ZDHHC2: variants seen among roughly 807,000 people sequenced by gnomAD.
ZDHHC2 encodes zDHHC palmitoyltransferase 2.
In ZDHHC2, 51 loss-of-function variants were observed where a neutral mutation model predicts 55.6. The observed-to-expected ratio is 0.92, with a 90% confidence interval of 0.73 to 1.16. ZDHHC2 has a LOEUF of 1.16. Among genes scored for constraint, ZDHHC2 ranks in the 50% most tolerant of loss-of-function variants. ZDHHC2 has a pLI of 0.00. For synonymous variants in ZDHHC2, 199 were observed against 152.9 expected, an observed-to-expected ratio of 1.30 and a Z score of -2.22; for missense variants, 491 against 442.4, an observed-to-expected ratio of 1.11 and a Z score of -0.99.
chr8:17,184,386 A>C (rs1805598283), intron 1 of ZDHHC2, among the ~76,000 whole-genome samples: 1 of 152,234 alleles, frequency 6.6e-6, no homozygotes, highest in Non-Finnish European at 1.5e-5. Context: ...TGGAAAGCTC[A>C]CCAGGTGGTT....
intron 1 of ZDHHC2, among the ~76,000 whole-genome samples, chr8:17,178,040 T>C (rs1328283175): frequency 6.6e-6 from 1 of 152,200 alleles, no homozygotes; most frequent in African/African-American, 2.4e-5. Context: ...TGTTCTTTGC[T>C]AAGTCAAAAG....
rs144012446 is a variant in ZDHHC2, at chr8:17,180,923, T to G, written c.131-3866T>G. On this transcript the variant is annotated intron_variant, in intron 1 of 12. Coordinates refer to ENST00000262096, the MANE Select transcript of ZDHHC2 (RefSeq NM_016353.5). ...GTGAACTTATAGACCCTGTCTGTCT[T>G]CAAAGTTGCTTGAAGCCCAGTTGAA... 6.2e-3 allele frequency among the ~76,000 whole-genome samples: 943 copies of G among 152,348 alleles called. 11 individuals are homozygous for G. Among genetic ancestry groups the G allele is most frequent in the African/African-American group, 0.021 (884 of 41,568 alleles).
At chr8:17,201,353 G>A (rs1806750706) in intron 6 of ZDHHC2, among the ~76,000 whole-genome samples, 1 of 151,722 alleles carries the variant, frequency 6.6e-6, no homozygotes. Flanking sequence ...TCCTGGAAAT[G>A]TTTCCGTATG....
chr8:17,181,534 A>G (rs1481342658), intron 1 of ZDHHC2, among the ~76,000 whole-genome samples: 1 of 152,212 alleles, frequency 6.6e-6, no homozygotes, highest in African/African-American at 2.4e-5. Context: ...GTTTAAAGGA[A>G]ATGAGATAAA....
chr8:17,189,570 G>T (rs1563154511), intron 3 of ZDHHC2, among the ~76,000 whole-genome samples: 1 of 152,158 alleles, frequency 6.6e-6, no homozygotes, highest in Non-Finnish European at 1.5e-5. Context: ...TATTTTTATG[G>T]CCTTGGCAGG....
At chr8:17,188,018 C>A (rs750289219) in intron 3 of ZDHHC2, among the ~76,000 whole-genome samples, 3 of 152,174 alleles carry the variant, frequency 2.0e-5, no homozygotes, top group Non-Finnish European at 4.4e-5. Flanking sequence ...ATATTGTATT[C>A]TTCTCCTGGT....
In ZDHHC2 at chr8:17,156,707, G is replaced by C. The variant is rs1179632534; in HGVS notation, c.-17G>C. The C allele has an allele frequency of 6.9e-7, 1 of 1,451,110 alleles. No individual in the cohort carries two copies. Among genetic ancestry groups the C allele is most frequent in the Non-Finnish European group, 9.1e-7 (1 of 1,098,148 alleles). The allele number at this position is 1,451,110 out of a possible 1,614,324, so 89.9% of individuals were successfully genotyped here. The stretch of plus-strand genomic sequence containing the variant: ...CGCGGGCGGCGGCGGAGCTGGGCAG[G>C]TGGATGCGGCTGGAAGATGGCGCCC... On this transcript the variant is annotated 5_prime_UTR_variant, in exon 1 of 13. Transcript: ENST00000262096.
chr8:17,223,608 A>C lies in ZDHHC2; in HGVS notation c.*3387A>C, dbSNP rs1265678284. On this transcript the variant is annotated 3_prime_UTR_variant, in exon 13 of 13. Coordinates refer to ENST00000262096, the MANE Select transcript of ZDHHC2 (RefSeq NM_016353.5). The stretch of plus-strand genomic sequence containing the variant: ...ATTACTCTTTTACAAAGATACCATT[A>C]GAATTTTCTCACTGTCTTGGTAAAA... The C allele has an allele frequency of 6.6e-6, 1 of 151,842 alleles. No individual in the cohort carries two copies. Among genetic ancestry groups the C allele is most frequent in the Non-Finnish European group, 1.5e-5 (1 of 67,764 alleles). 9.4% of individuals were successfully genotyped at this position (151,842 alleles called of 1,614,324 possible).
intron 6 of ZDHHC2, among the ~76,000 whole-genome samples, chr8:17,199,823 G>T (rs1806648614): frequency 6.8e-6 from 1 of 146,210 alleles, no homozygotes; most frequent in African/African-American, 2.6e-5. Context: ...GCGGTAGCGT[G>T]ATCTCAGCTC....
intron 1 of ZDHHC2, among the ~76,000 whole-genome samples, chr8:17,178,391 C>G (rs144032891): frequency 6.6e-6 from 1 of 152,014 alleles, no homozygotes; most frequent in African/African-American, 2.4e-5. Context: ...TATATAGTAT[C>G]TATATATACA....
At chr8:17,174,665 A>G (rs1805037842) in intron 1 of ZDHHC2, among the ~76,000 whole-genome samples, 2 of 150,586 alleles carry the variant, frequency 1.3e-5, no homozygotes, top group African/African-American at 2.4e-5. Context: ...ATATGCTTTA[A>G]CTTAGTATTG....
rs1585735068 is a variant in ZDHHC2 at position 17,209,968 on chromosome 8, A to G, written c.767A>G (p.Asp256Gly). 4 of 1,612,014 alleles carry G rather than the reference A, an allele frequency of 2.5e-6. No individual in the cohort carries two copies. The highest frequency in any genetic ancestry group is 3.4e-6 in the Non-Finnish European group (4 of 1,178,970). ...FRSPVFRHGT[D>G]KNGFSLGFSK... Reference sequence around the variant, plus strand: ...AGTCCAGTATTTCGACATGGAACAGATAAGAATGGATTCAGCTTGGGTTTC... The same window carrying G: ...AGTCCAGTATTTCGACATGGAACAGGTAAGAATGGATTCAGCTTGGGTTTC... Residue 256 changes from aspartate to glycine, a missense_variant, in exon 9 of 13, where the codon GAT becomes GGT. Coordinates refer to ENST00000262096, the MANE Select transcript of ZDHHC2 (RefSeq NM_016353.5).
At chr8:17,187,176 T>A (rs763838557) in intron 3 of ZDHHC2, among the ~76,000 whole-genome samples, 1 of 152,208 alleles carries the variant, frequency 6.6e-6, no homozygotes, top group Non-Finnish European at 1.5e-5. Flanking sequence ...ATATGGTTAC[T>A]GAGAGACAAC....
chr8:17,159,615 AT>A (rs1378837196), intron 1 of ZDHHC2, among the ~76,000 whole-genome samples: 1 of 152,094 alleles, frequency 6.6e-6, no homozygotes, highest in African/African-American at 2.4e-5. Flanking sequence ...AGTTAGCATA[AT>A]TTTTGCTTAG....
At chr8:17,196,080 T>A (rs575823453) in intron 4 of ZDHHC2, among the ~76,000 whole-genome samples, 1 of 152,338 alleles carries the variant, frequency 6.6e-6, no homozygotes, top group African/African-American at 2.4e-5. Flanking sequence ...ATTGGTATAA[T>A]TTTTTATCTA....
chr8:17,210,841 C>G (rs776768808), intron 10 of ZDHHC2, among the ~76,000 whole-genome samples: 5 of 152,172 alleles, frequency 3.3e-5, no homozygotes, highest in Non-Finnish European at 7.4e-5. Context: ...CCCACCATAT[C>G]TTTCCTTTCT....
At chr8:17,171,268 A>G (rs922404806) in intron 1 of ZDHHC2, among the ~76,000 whole-genome samples, 3 of 152,192 alleles carry the variant, frequency 2.0e-5, no homozygotes, top group Admixed American at 1.3e-4. Flanking sequence ...GCTGCCCTCA[A>G]ATCTGCACAA....
At chr8:17,194,281 G>A (rs1806192433) in intron 3 of ZDHHC2, among the ~76,000 whole-genome samples, 1 of 150,136 alleles carries the variant, frequency 6.7e-6, no homozygotes, top group African/African-American at 2.4e-5. Flanking sequence ...CACTTTTAAA[G>A]TTTTTTAAAT....
At chr8:17,175,178 C>T (rs17586696) in intron 1 of ZDHHC2, among the ~76,000 whole-genome samples, 7,836 of 152,126 alleles carry the variant, frequency 0.052, 309 homozygotes, top group Non-Finnish European at 0.067. Flanking sequence ...CTCCATAGGG[C>T]GTTGGCATAG....
Sources: allele counts gnomAD v4.1 joint callset (sites outside exome capture counted in the v4.1 genomes callset), GRCh38; gene constraint gnomAD v4.1.1; transcripts MANE v1.5; gene names NCBI Gene and HGNC (gene_info 2026-07-23, HGNC 2026-07-21).